NLK: variants seen among roughly 807,000 people sequenced by gnomAD.
NLK encodes serine/threonine-protein kinase NLK.
Under a neutral mutation model 59.0 loss-of-function variants are expected in NLK, and 11 were observed. The observed-to-expected ratio is 0.19, with a 90% CI of 0.12 to 0.31. The LOEUF (loss-of-function observed/expected upper bound fraction) is 0.31. NLK is among the 10% of genes least tolerant of loss of function. The pLI is 1.00. For missense variants in NLK, 410 were observed against 661.1 expected (o/e 0.62, Z 4.16); for synonymous variants, 235 against 235.9 (o/e 1.00, Z 0.03).
chr17:28,126,568 GC>G (rs1009046482), intron 2 of NLK, among the ~76,000 whole-genome samples: 1 of 152,130 alleles, frequency 6.6e-6, no homozygotes, highest in African/African-American at 2.4e-5. Flanking sequence ...AATTTGGATG[GC>G]TTTTTATGTG....
intron 2 of NLK, 51 bp from the exon 3 acceptor site, chr17:28,132,569 T>G: frequency 7.1e-7 from 1 of 1,404,922 alleles, no homozygotes; most frequent in South Asian, 1.3e-5. Context: ...TATGTCGAAT[T>G]TTGTTTCCTT....
At chr17:28,058,278 A>T (rs1417535383) in intron 1 of NLK, among the ~76,000 whole-genome samples, 1 of 152,196 alleles carries the variant, frequency 6.6e-6, no homozygotes, top group Non-Finnish European at 1.5e-5. Flanking sequence ...TTAAATAGGG[A>T]CACCGTAATG....
intron 1 of NLK, among the ~76,000 whole-genome samples, chr17:28,058,127 A>T (rs1383748025): frequency 6.6e-6 from 1 of 152,244 alleles, no homozygotes; most frequent in Non-Finnish European, 1.5e-5. Flanking sequence ...AACACCTAGA[A>T]TGAGGTAGCT....
chr17:28,122,462 A>G, intron 1 of NLK, 141 bp from the exon 2 acceptor site: 1 of 786,356 alleles, frequency 1.3e-6, no homozygotes. Flanking sequence ...TTTCTCACTG[A>G]CACCTTAAGC....
At chr17:28,202,238 A>AT in the NLK span, among the ~76,000 whole-genome samples, 2 of 152,158 alleles carry the variant, frequency 1.3e-5, no homozygotes, top group Non-Finnish European at 2.9e-5. Context: ...CTCTAAAAAA[A>AT]TTTTTTTAAA....
rs1207187617 is a variant in NLK at position 28,042,828 on chromosome 17, A to AC, written c.-45dup. On this transcript the variant is annotated 5_prime_UTR_variant, in exon 1 of 11. An upstream open reading frame in the 5' UTR loses its in-frame stop. Transcript: ENST00000407008. ...TTCTTCATTTTTAAATGGCCAAATG[A>AC]CAGCTTGACCCAGTTTGCTTTCCAA... The AC allele has an allele frequency of 1.4e-6, 2 of 1,447,698 alleles. No individual in the cohort carries two copies. 89.7% of individuals were successfully genotyped at this position (1,447,698 alleles called of 1,614,324 possible).
At chr17:28,111,807 T>A (rs1905491669) in intron 1 of NLK, among the ~76,000 whole-genome samples, 1 of 150,420 alleles carries the variant, frequency 6.6e-6, no homozygotes. Flanking sequence ...AGCTGAGTGG[T>A]TGGCTATTGG....
intron 1 of NLK, among the ~76,000 whole-genome samples, chr17:28,097,155 A>C (rs879625400): frequency 1.3e-5 from 2 of 152,214 alleles, no homozygotes; most frequent in Non-Finnish European, 2.9e-5. Flanking sequence ...ACCAAGGTAC[A>C]AGATGCATAT....
chr17:28,177,119 T>C (rs1908711128), intron 7 of NLK, among the ~76,000 whole-genome samples: 1 of 152,148 alleles, frequency 6.6e-6, no homozygotes, highest in African/African-American at 2.4e-5. Flanking sequence ...TGTCTTCATA[T>C]TGAGTAGGCT....
intron 8 of NLK, among the ~76,000 whole-genome samples, chr17:28,187,180 CT>C (rs1909149990): frequency 6.6e-6 from 1 of 152,130 alleles, no homozygotes; most frequent in African/African-American, 2.4e-5. Context: ...ATTTTATTCT[CT>C]ATTTCTATTT....
At chr17:28,117,711 A>C (rs1294589970) in intron 1 of NLK, among the ~76,000 whole-genome samples, 1 of 152,192 alleles carries the variant, frequency 6.6e-6, no homozygotes, top group Non-Finnish European at 1.5e-5. Flanking sequence ...GAATCATTTT[A>C]TATATCCTGA....
intron 1 of NLK, among the ~76,000 whole-genome samples, chr17:28,071,055 A>G (rs1311406639): frequency 6.6e-6 from 1 of 152,118 alleles, no homozygotes; most frequent in Non-Finnish European, 1.5e-5. Flanking sequence ...TCTCCTATGT[A>G]TTATAGGATG....
At chr17:28,152,084 A>G (rs1907503560) in intron 3 of NLK, among the ~76,000 whole-genome samples, 1 of 152,242 alleles carries the variant, frequency 6.6e-6, no homozygotes. Flanking sequence ...CAGTTTGTCC[A>G]TTCAAATCCC....
At chr17:28,112,278 C>G (rs1180721046) in intron 1 of NLK, among the ~76,000 whole-genome samples, 2 of 152,082 alleles carry the variant, frequency 1.3e-5, no homozygotes, top group Non-Finnish European at 2.9e-5. Flanking sequence ...GAGTTTAATG[C>G]TTTGACCCCA....
At chr17:28,172,707 C>T in intron 7 of NLK, 89 bp downstream of exon 7, 1 of 617,902 alleles carries the variant, frequency 1.6e-6, no homozygotes, top group Non-Finnish European at 2.5e-6. Context: ...GATTTTTAAG[C>T]AAATGTATTA....
chr17:28,055,786 A>G (rs1335514548), intron 1 of NLK, among the ~76,000 whole-genome samples: 1 of 152,252 alleles, frequency 6.6e-6, no homozygotes, highest in Non-Finnish European at 1.5e-5. Flanking sequence ...TTACTAATTT[A>G]GGGAAAATAA....
chr17:28,059,125 C>CAA (rs1386010576), intron 1 of NLK, among the ~76,000 whole-genome samples: 2 of 134,352 alleles, frequency 1.5e-5, no homozygotes, highest in African/African-American at 2.7e-5. Context: ...GATCCTGTCT[C>CAA]AAAAAAAAAA....
chr17:28,164,816 A>G (rs1908156540), intron 5 of NLK, among the ~76,000 whole-genome samples: 1 of 152,204 alleles, frequency 6.6e-6, no homozygotes, highest in Admixed American at 6.5e-5. Flanking sequence ...CGGTTAAACT[A>G]AGTAATAAAA....
chr17:28,172,494 A>C (rs1348310544), intron 6 of NLK, 23 bp from the exon 7 acceptor site: 5 of 1,487,876 alleles, frequency 3.4e-6, no homozygotes, highest in Non-Finnish European at 3.7e-6. Context: ...ATTACTATCT[A>C]TCTGTATTTT....
Sources: allele counts gnomAD v4.1 joint callset (sites outside exome capture counted in the v4.1 genomes callset), GRCh38; gene constraint gnomAD v4.1.1; transcripts MANE v1.5; gene names NCBI Gene and HGNC (gene_info 2026-07-23, HGNC 2026-07-21).